Variants in BRD10 observed in about 807,000 individuals in gnomAD.
BRD10 encodes the protein uncharacterized bromodomain-containing protein 10.
the BRD10 span, chr9:5,968,748 G>T: frequency 6.2e-7 from 1 of 1,613,866 alleles, no homozygotes; most frequent in Non-Finnish European, 8.5e-7. Context: ...GGTGGAATTG[G>T]AAATTCTGGG....
the BRD10 span, chr9:5,919,869 C>T: frequency 2.7e-5 from 43 of 1,613,770 alleles, no homozygotes; most frequent in Non-Finnish European, 3.4e-5. Context: ...AATTTTTTGA[C>T]AGGTGGGTCC....
the BRD10 span, chr9:5,913,813 G>T: frequency 4.5e-6 from 1 of 220,208 alleles, no homozygotes; most frequent in Non-Finnish European, 9.2e-6. Context: ...CTATTAAAAA[G>T]AAAATCAAAT....
chr9:5,964,352 T>G, the BRD10 span, among the ~76,000 whole-genome samples: 1 of 151,832 alleles, frequency 6.6e-6, no homozygotes, highest in East Asian at 1.9e-4. Flanking sequence ...AAAACCACAA[T>G]GAGATACCAT....
chr9:5,999,308 C>A, the BRD10 span, among the ~76,000 whole-genome samples: 3 of 152,120 alleles, frequency 2.0e-5, no homozygotes, highest in Admixed American at 1.3e-4. Flanking sequence ...GGCAAAATTT[C>A]TCTTATATCT....
At chr9:5,965,292 A>G in the BRD10 span, among the ~76,000 whole-genome samples, 1 of 152,012 alleles carries the variant, frequency 6.6e-6, no homozygotes, top group East Asian at 1.9e-4. Context: ...TCATTACTCG[A>G]AAAAAAGCTG....
At chr9:5,902,073 T>C in the BRD10 span, among the ~76,000 whole-genome samples, 1 of 152,234 alleles carries the variant, frequency 6.6e-6, no homozygotes, top group Non-Finnish European at 1.5e-5. Context: ...AAAGAGGTTA[T>C]AGAGAATTGG....
the BRD10 span, among the ~76,000 whole-genome samples, chr9:6,000,478 CT>C: frequency 2.0e-5 from 3 of 152,116 alleles, no homozygotes; most frequent in Admixed American, 1.3e-4. Context: ...GACATTTTCT[CT>C]CCAAGATATG....
the BRD10 span, chr9:5,988,194 A>C: frequency 1.6e-6 from 1 of 617,218 alleles, no homozygotes; most frequent in Non-Finnish European, 2.8e-6. Context: ...TTAAAATTAC[A>C]TTTTAAACAA....
At chr9:5,913,797 C>A in the BRD10 span, 2 of 206,278 alleles carry the variant, frequency 9.7e-6, no homozygotes, top group Non-Finnish European at 2.0e-5. Context: ...AGGAGAAAAA[C>A]AAGGACTATT....
At chr9:5,951,865 C>T in the BRD10 span, among the ~76,000 whole-genome samples, 8 of 152,020 alleles carry the variant, frequency 5.3e-5, no homozygotes, top group East Asian at 1.9e-4. Context: ...TGAGTAATGC[C>T]GTGGTATTCA....
At chr9:5,983,779 A>G in the BRD10 span, among the ~76,000 whole-genome samples, 1,809 of 152,198 alleles carry the variant, frequency 0.012, 19 homozygotes, top group Non-Finnish European at 0.016. Flanking sequence ...AAATTGATGA[A>G]AGCTAATTAT....
At chr9:5,981,231 T>C in the BRD10 span, among the ~76,000 whole-genome samples, 1 of 152,196 alleles carries the variant, frequency 6.6e-6, no homozygotes, top group African/African-American at 2.4e-5. Flanking sequence ...GAAGCATTTA[T>C]TTCCCTGGCT....
the BRD10 span, chr9:5,969,180 G>C: frequency 6.2e-7 from 1 of 1,613,818 alleles, no homozygotes; most frequent in East Asian, 2.2e-5. Flanking sequence ...CGATGGGGAG[G>C]ACTTAATAGA....
the BRD10 span, among the ~76,000 whole-genome samples, chr9:5,935,838 A>G: frequency 6.6e-6 from 1 of 152,220 alleles, no homozygotes; most frequent in Non-Finnish European, 1.5e-5. Context: ...GTGTTCCACT[A>G]CATAAGCACA....
the BRD10 span, among the ~76,000 whole-genome samples, chr9:5,951,945 CTT>C: frequency 2.0e-5 from 3 of 152,104 alleles, no homozygotes; most frequent in African/African-American, 4.8e-5. Context: ...CTCTCTCTCT[CTT>C]CTTCCCTCTC....
At chr9:5,995,107 G>C in the BRD10 span, among the ~76,000 whole-genome samples, 1 of 152,048 alleles carries the variant, frequency 6.6e-6, no homozygotes, top group African/African-American at 2.4e-5. Context: ...CTCCATGTTG[G>C]TCAGGCTGGT....
the BRD10 span, chr9:6,008,144 C>T: frequency 1.0e-6 from 1 of 981,604 alleles, no homozygotes; most frequent in Non-Finnish European, 1.2e-6. Flanking sequence ...GGCCTCGGCG[C>T]CCCACCCCCT....
the BRD10 span, among the ~76,000 whole-genome samples, chr9:6,002,129 A>T: frequency 6.6e-6 from 1 of 152,206 alleles, no homozygotes; most frequent in South Asian, 2.1e-4. Flanking sequence ...AACATACTTT[A>T]CCTTTTACTA....
At chr9:5,907,247 AG>A in the BRD10 span, 28 of 260,574 alleles carry the variant, frequency 1.1e-4, no homozygotes, top group Admixed American at 7.5e-4. Flanking sequence ...CAGTGTTTCC[AG>A]GGTCAATAAT....
Sources: allele counts gnomAD v4.1 joint callset (sites outside exome capture counted in the v4.1 genomes callset), GRCh38; gene constraint gnomAD v4.1.1; transcripts MANE v1.5; gene names NCBI Gene and HGNC (gene_info 2026-07-23, HGNC 2026-07-21).